Variants in SWT1 observed in about 807,000 individuals in gnomAD.
SWT1 encodes SWT1 RNA endoribonuclease homolog.
SWT1 carries 33 observed loss-of-function variants against 107.3 expected under a neutral mutation model. The ratio of observed to expected loss-of-function variants is 0.31; its 90% confidence interval spans 0.23 to 0.41. The LOEUF (loss-of-function observed/expected upper bound fraction) is 0.41, where lower values mean the gene tolerates loss of function less well. SWT1 is among the 10% of genes least tolerant of loss of function. SWT1 has a pLI of 1.00. For synonymous variants in SWT1, 345 were observed against 348.3 expected, an observed-to-expected ratio of 0.99 and a Z score of 0.11; for missense variants, 898 against 1,028.9, an observed-to-expected ratio of 0.87 and a Z score of 1.74.
intron 5 of SWT1, chr1:185,177,136 T>A: frequency 7.3e-6 from 5 of 687,608 alleles, no homozygotes; most frequent in Non-Finnish European, 7.2e-6. Context: ...AAGAATTGAG[T>A]TTGAATTGAG....
intron 16 of SWT1, among the ~76,000 whole-genome samples, chr1:185,256,108 C>G (rs1390213875): frequency 6.7e-6 from 1 of 150,058 alleles, no homozygotes; most frequent in East Asian, 2.0e-4. Flanking sequence ...GAATATTGGC[C>G]CCCACTCTCT....
chr1:185,205,052 A>G (rs1266909912), intron 12 of SWT1, among the ~76,000 whole-genome samples, 189 bp downstream of exon 12: 2 of 152,078 alleles, frequency 1.3e-5, no homozygotes, highest in African/African-American at 4.8e-5. Flanking sequence ...GGTTAGGAAT[A>G]TATGTTATTC....
At chr1:185,271,970 G>A (rs1405190324) in intron 17 of SWT1, among the ~76,000 whole-genome samples, 4 of 152,198 alleles carry the variant, frequency 2.6e-5, no homozygotes, top group Non-Finnish European at 5.9e-5. Context: ...ATATTGGACA[G>A]GTCATTTCTT....
chr1:185,211,374 T>C (rs1198277367), intron 13 of SWT1, among the ~76,000 whole-genome samples: 1 of 152,164 alleles, frequency 6.6e-6, no homozygotes, highest in Non-Finnish European at 1.5e-5. Context: ...AACAGAGGCC[T>C]CAGAAATAAC....
chr1:185,191,919 A>G (rs576118062), intron 10 of SWT1, among the ~76,000 whole-genome samples: 13 of 152,228 alleles, frequency 8.5e-5, no homozygotes, highest in African/African-American at 2.9e-4. Context: ...TAATTCTGAC[A>G]TAGTCGTGTT....
chr1:185,164,016 G>A (rs997870705), intron 2 of SWT1, among the ~76,000 whole-genome samples: 15 of 152,116 alleles, frequency 9.9e-5, no homozygotes, highest in African/African-American at 3.6e-4. Flanking sequence ...TAAATAATCA[G>A]GTGTGAAAGT....
chr1:185,176,821 A>G, intron 5 of SWT1: 1 of 444,246 alleles, frequency 2.3e-6, no homozygotes, highest in Non-Finnish European at 3.0e-6. Context: ...CATCTCTACT[A>G]AAAATACAAA....
At chr1:185,177,147 T>C (rs1655639665) in intron 5 of SWT1, 3 of 574,024 alleles carry the variant, frequency 5.2e-6, no homozygotes, top group African/African-American at 4.0e-5. Context: ...TTGAATTGAG[T>C]TTGTTTTCAC....
chr1:185,285,724 A>T (rs1304260084), intron 18 of SWT1, among the ~76,000 whole-genome samples: 1 of 152,158 alleles, frequency 6.6e-6, no homozygotes, highest in Non-Finnish European at 1.5e-5. Context: ...GATGTAAGGT[A>T]AGGGGTCCAG....
chr1:185,233,642 ATT>A (rs1431049247), intron 16 of SWT1, among the ~76,000 whole-genome samples: 2 of 152,114 alleles, frequency 1.3e-5, no homozygotes, highest in Non-Finnish European at 2.9e-5. Flanking sequence ...CTGAGTTCTA[ATT>A]TGATTGCACT....
chr1:185,177,875 A>G (rs1571424163), intron 5 of SWT1, among the ~76,000 whole-genome samples: 1 of 152,198 alleles, frequency 6.6e-6, no homozygotes, highest in Non-Finnish European at 1.5e-5. Flanking sequence ...TTTAATTCTT[A>G]CAAGACTAAA....
At chr1:185,254,832 T>G (rs1247902020) in intron 16 of SWT1, among the ~76,000 whole-genome samples, 7 of 151,732 alleles carry the variant, frequency 4.6e-5, no homozygotes, top group Admixed American at 4.6e-4. Flanking sequence ...CTTTTGAATG[T>G]GTTTGCTCTT....
chr1:185,179,698 T>G (rs1005435394), intron 5 of SWT1, among the ~76,000 whole-genome samples: 12 of 152,330 alleles, frequency 7.9e-5, no homozygotes, highest in Middle Eastern at 3.4e-3. Flanking sequence ...ATTCATTATT[T>G]CTCTTTTTTT....
At chr1:185,162,776 A>G (rs540088277) in intron 2 of SWT1, among the ~76,000 whole-genome samples, 312 of 152,152 alleles carry the variant, frequency 2.1e-3, no homozygotes, top group South Asian at 3.5e-3. Context: ...TTATGTTTAT[A>G]CTATACGGTA....
At chr1:185,210,952 C>G (rs1204115508) in intron 13 of SWT1, among the ~76,000 whole-genome samples, 1 of 152,094 alleles carries the variant, frequency 6.6e-6, no homozygotes, top group Non-Finnish European at 1.5e-5. Flanking sequence ...ACAATTGCTA[C>G]AAAGACAATA....
chr1:185,205,042 G>A (rs554427564), intron 12 of SWT1, among the ~76,000 whole-genome samples, 179 bp downstream of exon 12: 1 of 152,088 alleles, frequency 6.6e-6, no homozygotes, highest in South Asian at 2.1e-4. Flanking sequence ...ATTTCTTAAT[G>A]GTTAGGAATA....
chr1:185,159,650 G>A (rs1233117326), intron 1 of SWT1, among the ~76,000 whole-genome samples: 1 of 152,182 alleles, frequency 6.6e-6, no homozygotes, highest in Admixed American at 6.5e-5. Context: ...AAGCAAGTAT[G>A]TATGTAGACA....
At chr1:185,161,004 T>C (rs932101290) in intron 2 of SWT1, 79 bp downstream of exon 2, 5 of 1,013,632 alleles carry the variant, frequency 4.9e-6, no homozygotes, top group Admixed American at 4.6e-5. Flanking sequence ...CTTACTATTA[T>C]AATGATTTAT....
In SWT1 at chr1:185,291,084, G is replaced by A. The variant is rs997066961; in HGVS notation, c.*281G>A. On this transcript the variant is annotated 3_prime_UTR_variant, in exon 19 of 19. Transcript: ENST00000367500. ...CAGTATCTCTAAGGAAAGGAGAGCC[G>A]TATTTTTAGTCATCCTAGGGCAGGA... is the stretch of plus-strand genomic sequence containing the variant. 3.7e-5 allele frequency: 7 copies of A among 191,064 alleles called. No homozygotes were observed. The highest frequency in any genetic ancestry group is 1.3e-4 in the East Asian group (1 of 7,906). The allele number at this position is 191,064 out of a possible 1,614,324, so 11.8% of individuals were successfully genotyped here.
Sources: allele counts gnomAD v4.1 joint callset (sites outside exome capture counted in the v4.1 genomes callset), GRCh38; gene constraint gnomAD v4.1.1; transcripts MANE v1.5; gene names NCBI Gene and HGNC (gene_info 2026-07-23, HGNC 2026-07-21).